Variants in DNAH6 observed in about 807,000 individuals in gnomAD.
The protein encoded by DNAH6 is axonemal beta dynein heavy chain 6.
DNAH6 carries 340 observed loss-of-function variants against 491.4 expected under a neutral mutation model. That is an observed-to-expected ratio of 0.69 (90% CI 0.63 to 0.76). The LOEUF (loss-of-function observed/expected upper bound fraction) is 0.76, where lower values mean the gene tolerates loss of function less well. Ranked by LOEUF, DNAH6 falls within the 30% of genes least tolerant of loss-of-function variation. DNAH6 has a pLI of 0.00. For missense variants in DNAH6, 4,443 were observed against 4,972.2 expected, an observed-to-expected ratio of 0.89 and a Z score of 3.20; for synonymous variants, 1,603 against 1,686.1, an observed-to-expected ratio of 0.95 and a Z score of 1.21.
chr2:84,604,249 G>A (rs1685538811), intron 18 of DNAH6, 90 bp from the exon 19 acceptor site: 14 of 990,650 alleles, frequency 1.4e-5, no homozygotes, highest in Non-Finnish European at 2.1e-5. Flanking sequence ...CTCTTTTCCA[G>A]CTCTCTACAT....
chr2:84,568,541 C>T (rs1401079244), intron 11 of DNAH6, among the ~76,000 whole-genome samples: 1 of 152,038 alleles, frequency 6.6e-6, no homozygotes, highest in Non-Finnish European at 1.5e-5. Context: ...GGGAGGGGAA[C>T]AACACACACT....
At chr2:84,479,173 T>C in the DNAH6 span, among the ~76,000 whole-genome samples, 6 of 152,192 alleles carry the variant, frequency 3.9e-5, no homozygotes, top group East Asian at 1.2e-3. Context: ...GTTCTGGGGG[T>C]TTTACAGGCA....
the DNAH6 span, among the ~76,000 whole-genome samples, chr2:84,493,930 G>C: frequency 6.6e-6 from 1 of 152,200 alleles, no homozygotes; most frequent in Non-Finnish European, 1.5e-5. Flanking sequence ...TCCCCACCAA[G>C]GCACACAAGG....
chr2:84,551,025 C>T (rs1679295322), intron 9 of DNAH6, among the ~76,000 whole-genome samples: 1 of 152,080 alleles, frequency 6.6e-6, no homozygotes, highest in Non-Finnish European at 1.5e-5. Flanking sequence ...TAAGTTTTGC[C>T]CTAGCTCCAT....
At position 84,813,997 on chromosome 2, in the gene DNAH6, T is replaced by C; in HGVS notation, c.12025T>C (p.Tyr4009His). 1 of 1,551,680 alleles carries C rather than the reference T, an allele frequency of 6.4e-7. No individual in the cohort carries two copies. ...TGTLQNHARK[Y>H]NLPIDELSFK... ...AACTCTTCAAAATCATGCTCGAAAA[T>C]ACAATTTGCCTATAGATGAGCTGAG... is the stretch of plus-strand genomic sequence containing the variant. Residue 4009 changes from tyrosine to histidine, a missense_variant, in exon 75 of 77, where the codon TAC becomes CAC. By Grantham distance (83) the Tyr-to-His change is moderately conservative. Coordinates refer to ENST00000389394, the MANE Select transcript of DNAH6 (RefSeq NM_001370.2).
intron 35 of DNAH6, among the ~76,000 whole-genome samples, chr2:84,657,971 T>G (rs552083590): frequency 1.3e-5 from 2 of 152,098 alleles, no homozygotes; most frequent in South Asian, 4.1e-4. Context: ...TTGTTAATAA[T>G]TGTGAAAGAA....
chr2:84,684,656 CTG>C (rs1694112705), intron 42 of DNAH6, among the ~76,000 whole-genome samples: 2 of 152,202 alleles, frequency 1.3e-5, no homozygotes, highest in South Asian at 4.1e-4. Context: ...CCACTCTCTG[CTG>C]TGTGTGCCCA....
intron 64 of DNAH6, among the ~76,000 whole-genome samples, chr2:84,781,171 A>G (rs1676655817): frequency 6.6e-6 from 1 of 152,194 alleles, no homozygotes; most frequent in Non-Finnish European, 1.5e-5. Context: ...CTGTGGGAAG[A>G]AGGAAGGGGA....
chr2:84,513,434 T>C (rs561215648), upstream of DNAH6, among the ~76,000 whole-genome samples: 46 of 152,308 alleles, frequency 3.0e-4, 1 homozygote, highest in African/African-American at 1.1e-3. Context: ...CACTGAAGTC[T>C]TACAACTTTT....
chr2:84,739,069 A>T (rs1261059443), intron 62 of DNAH6, among the ~76,000 whole-genome samples: 1 of 152,154 alleles, frequency 6.6e-6, no homozygotes, highest in Non-Finnish European at 1.5e-5. Flanking sequence ...TTTGGGAAAC[A>T]CTTTATTTCT....
At chr2:84,486,033 T>C in the DNAH6 span, among the ~76,000 whole-genome samples, 1 of 152,212 alleles carries the variant, frequency 6.6e-6, no homozygotes, top group African/African-American at 2.4e-5. Context: ...CTTGCGATAC[T>C]AAGTTGTTAA....
At chr2:84,555,169 G>C (rs972961663) in intron 10 of DNAH6, among the ~76,000 whole-genome samples, 4 of 152,082 alleles carry the variant, frequency 2.6e-5, no homozygotes, top group African/African-American at 9.7e-5. Flanking sequence ...CATACACATA[G>C]AGATTAATCT....
intron 39 of DNAH6, among the ~76,000 whole-genome samples, chr2:84,671,539 TC>T (rs1225675256): frequency 6.6e-6 from 1 of 152,168 alleles, no homozygotes; most frequent in Non-Finnish European, 1.5e-5. Context: ...TCTGTCTCTG[TC>T]CCCTCTCTCC....
Position 84,781,562 on chromosome 2 carries a change from A to G in DNAH6, c.10773A>G (p.Lys3591=). Reference sequence around the variant, plus strand: ...AAAAAATGGTCAAGGATGCAATGAAATCAGGAAACTGGGTATTTTTGCAAA... The same window carrying G: ...AAAAAATGGTCAAGGATGCAATGAAGTCAGGAAACTGGGTATTTTTGCAAA... ...IAEKMVKDAM[K]SGNWVFLQNC... Residue 3591 remains lysine (K), a synonymous_variant, in exon 65 of 77, where the codon AAA becomes AAG. Coordinates refer to ENST00000389394, the MANE Select transcript of DNAH6 (RefSeq NM_001370.2). The G allele has an allele frequency of 1.9e-6, 3 of 1,551,704 alleles. No homozygotes were observed. Among genetic ancestry groups the G allele is most frequent in the Non-Finnish European group, 2.6e-6 (3 of 1,146,936 alleles).
the DNAH6 span, among the ~76,000 whole-genome samples, chr2:84,494,847 A>C: frequency 6.6e-6 from 1 of 152,198 alleles, no homozygotes; most frequent in African/African-American, 2.4e-5. Flanking sequence ...ATATGAACTG[A>C]ACCACCTGGG....
chr2:84,542,180 G>A (rs985886439), intron 4 of DNAH6, among the ~76,000 whole-genome samples: 2 of 152,286 alleles, frequency 1.3e-5, no homozygotes, highest in Non-Finnish European at 1.5e-5. Flanking sequence ...ATCACACAGA[G>A]CAAGTTTTCC....
the DNAH6 span, among the ~76,000 whole-genome samples, chr2:84,506,287 T>C: frequency 6.6e-5 from 10 of 152,354 alleles, no homozygotes; most frequent in South Asian, 2.1e-3. Flanking sequence ...TATCTCATTG[T>C]GGTTTTGATT....
At chr2:84,709,279 T>C (rs1696811630) in intron 54 of DNAH6, 64 bp from the exon 55 acceptor site, 4 of 1,498,588 alleles carry the variant, frequency 2.7e-6, no homozygotes, top group African/African-American at 1.4e-5. Flanking sequence ...CACCACATTT[T>C]GCATGTGCCC....
intron 41 of DNAH6, among the ~76,000 whole-genome samples, chr2:84,679,648 G>A (rs1374438974): frequency 3.3e-5 from 5 of 152,194 alleles, no homozygotes; most frequent in African/African-American, 9.7e-5. Context: ...GATCATGTAA[G>A]CCAGATCCTT....
Sources: allele counts gnomAD v4.1 joint callset (sites outside exome capture counted in the v4.1 genomes callset), GRCh38; gene constraint gnomAD v4.1.1; transcripts MANE v1.5; gene names NCBI Gene and HGNC (gene_info 2026-07-23, HGNC 2026-07-21).